The following KCNK9 variants were observed in gnomAD, a reference collection of about 807,000 sequenced individuals.
The protein encoded by KCNK9 is potassium two pore domain channel subfamily K member 9.
KCNK9 carries 1 observed loss-of-function variant against 10.8 expected under a neutral mutation model. That is an observed-to-expected ratio of 0.09 (90% CI 0.03 to 0.44). The LOEUF (loss-of-function observed/expected upper bound fraction) is 0.44. KCNK9 is among the 20% of genes least tolerant of loss of function. The probability of loss-of-function intolerance (pLI) is 0.97; values close to 1 mark genes in which losing one functional copy is unlikely to be tolerated. For missense variants in KCNK9, 303 were observed against 515.0 expected, an observed-to-expected ratio of 0.59 and a Z score of 3.98; for synonymous variants, 231 against 222.7, an observed-to-expected ratio of 1.04 and a Z score of -0.33.
intron 1 of KCNK9, among the ~76,000 whole-genome samples, chr8:139,697,340 T>G (rs1817085820): frequency 7.6e-6 from 1 of 132,050 alleles, no homozygotes; most frequent in African/African-American, 2.9e-5. Flanking sequence ...AATGGGTGAG[T>G]GGATGGTTGG....
At chr8:139,620,326 A>T (rs547420772) in intron 1 of KCNK9, among the ~76,000 whole-genome samples, 1 of 152,314 alleles carries the variant, frequency 6.6e-6, no homozygotes, top group East Asian at 1.9e-4. Flanking sequence ...ACCCTGTCAC[A>T]TGTTCATGGT....
chr8:139,684,296 T>C (rs1397969135), intron 1 of KCNK9, among the ~76,000 whole-genome samples: 2 of 152,358 alleles, frequency 1.3e-5, no homozygotes, highest in East Asian at 3.9e-4. Context: ...CATACATTTC[T>C]GATAGCAGTT....
intron 1 of KCNK9, among the ~76,000 whole-genome samples, chr8:139,673,807 C>A (rs1362615449): frequency 2.6e-5 from 4 of 152,038 alleles, no homozygotes; most frequent in Non-Finnish European, 4.4e-5. Context: ...CCCCTCCCCA[C>A]CCCTGCAGAG....
In KCNK9 at chr8:139,605,042, G is replaced by A. The variant is rs904582854; in HGVS notation, c.*1-3441C>T. ...AAACCTGTCTTCATGAGCCTTCCAG[G>A]TGGAGCTCGGGAGCCCCAATACTTG... On this transcript the variant is annotated intron_variant, in intron 2 of 2. Coordinates refer to the KCNK9 transcript ENST00000650269. Among the ~76,000 whole-genome samples the A allele has an allele frequency of 2.0e-4, 30 of 152,242 alleles. 1 individual carries two copies. Among genetic ancestry groups the A allele is most frequent in the Admixed American group, 1.3e-4 (2 of 15,292 alleles).
At position 139,702,632 on chromosome 8, in the gene KCNK9, AG is replaced by A; in HGVS notation, c.283+77del. 6.8e-7 allele frequency: 1 copy of A among 1,465,456 alleles called. No individual in the cohort carries two copies. The highest frequency in any genetic ancestry group is 1.3e-5 in the South Asian group (1 of 79,564). 90.8% of individuals were successfully genotyped at this position (1,465,456 alleles called of 1,614,324 possible). On this transcript the variant is annotated intron_variant, in intron 1 of 1. Transcript: ENST00000520439. This position sits in a 1 kb window ranked among gnomAD's most constrained non-coding sequence, Gnocchi z 7.5. ...GTTTAACCCTCGACGCCCTGCACCC[AG>A]CCCGGCGCGGCGCGCTCAGCCGCCT...
chr8:139,671,902 C>T lies in KCNK9; in HGVS notation c.283+30808G>A, dbSNP rs145421577. The stretch of plus-strand genomic sequence containing the variant: ...AGTATTTATTCAAGGCTCCCCTGAG[C>T]GTGGCAGGAGCACCACCGGCCCCCA... On this transcript the variant is annotated intron_variant, in intron 1 of 1. Transcript: ENST00000520439. Among the ~76,000 whole-genome samples, 66 of 152,298 alleles carry T rather than the reference C, an allele frequency of 4.3e-4. 1 individual carries two copies. The highest frequency in any genetic ancestry group is 1.5e-3 in the African/African-American group (63 of 41,568).
At chr8:139,654,267 C>T (rs1043783589) in intron 1 of KCNK9, among the ~76,000 whole-genome samples, 5 of 152,228 alleles carry the variant, frequency 3.3e-5, no homozygotes, top group Non-Finnish European at 7.3e-5. Context: ...GCTGCCAGAT[C>T]GCTGGGTGCC....
chr8:139,656,239 G>C (rs1394182059), intron 1 of KCNK9, among the ~76,000 whole-genome samples: 6 of 152,136 alleles, frequency 3.9e-5, no homozygotes, highest in Non-Finnish European at 8.8e-5. Flanking sequence ...GTCTTCAGGA[G>C]TACTAGGAAG....
At chr8:139,664,860 C>T (rs891847811) in intron 1 of KCNK9, among the ~76,000 whole-genome samples, 1 of 152,040 alleles carries the variant, frequency 6.6e-6, no homozygotes, top group African/African-American at 2.4e-5. Context: ...TCCTGGAGCA[C>T]GGGCTGGGTG....
chr8:139,666,865 G>A (rs902887356), intron 1 of KCNK9, among the ~76,000 whole-genome samples: 1 of 152,240 alleles, frequency 6.6e-6, no homozygotes, highest in African/African-American at 2.4e-5. Context: ...TTCAAGGTAA[G>A]ACCCAAGCTG....
chr8:139,634,964 C>T (rs1039488333), intron 1 of KCNK9, among the ~76,000 whole-genome samples: 3 of 152,100 alleles, frequency 2.0e-5, no homozygotes, highest in African/African-American at 4.8e-5. Flanking sequence ...AGCTGTGGTG[C>T]GAGGCGTCTA....
chr8:139,660,873 G>A (rs571423747), intron 1 of KCNK9, among the ~76,000 whole-genome samples: 1 of 152,244 alleles, frequency 6.6e-6, no homozygotes, highest in African/African-American at 2.4e-5. Flanking sequence ...AGAGCTAGCT[G>A]GTAGAGGACC....
intron 1 of KCNK9, among the ~76,000 whole-genome samples, chr8:139,696,013 C>T (rs73360081): frequency 0.012 from 1,861 of 152,274 alleles, 38 homozygotes; most frequent in African/African-American, 0.041. Context: ...AAGCCCCCCA[C>T]GTTCCAGTTT....
rs148824282 is a variant in KCNK9 at position 139,635,047 on chromosome 8, T to C, written c.284-15948A>G. On this transcript the variant is annotated intron_variant, in intron 1 of 1. Transcript: ENST00000520439. ...CTGCTGCATGAGGACCCCTGAAGGG[T>C]AAGGTGAGCAGCCAGCCGGGAGCAG... 2.7e-3 allele frequency among the ~76,000 whole-genome samples: 415 copies of C among 152,168 alleles called. 1 individual carries two copies. The highest frequency in any genetic ancestry group is 4.6e-3 in the Non-Finnish European group (315 of 67,986).
chr8:139,699,655 G>T lies in KCNK9; in HGVS notation c.283+3055C>A, dbSNP rs188805491. ...CTTTGCGGGGCCCAGCTGGACTCCCGTTCTTCCCTGGTTATGACAATGGTC... is the reference window on the plus strand; with the variant it reads ...CTTTGCGGGGCCCAGCTGGACTCCCTTTCTTCCCTGGTTATGACAATGGTC... On this transcript the variant is annotated intron_variant, in intron 1 of 1. Transcript: ENST00000520439. Among the ~76,000 whole-genome samples the T allele has an allele frequency of 2.6e-5, 4 of 152,316 alleles. No homozygotes were observed. In the East Asian group the frequency reaches 5.8e-4, roughly 22 times the overall value.
intron 1 of KCNK9, among the ~76,000 whole-genome samples, chr8:139,626,401 G>A (rs1029834146): frequency 1.3e-4 from 20 of 152,252 alleles, no homozygotes; most frequent in African/African-American, 3.9e-4. Flanking sequence ...CCATTACCCC[G>A]CTTACCTGAG....
intron 1 of KCNK9, among the ~76,000 whole-genome samples, chr8:139,687,389 T>C (rs1488715124): frequency 8.1e-6 from 1 of 123,800 alleles, no homozygotes; most frequent in Non-Finnish European, 1.7e-5. Context: ...TATATGAATA[T>C]ATATGTGTAT....
intron 1 of KCNK9, among the ~76,000 whole-genome samples, chr8:139,667,353 G>A (rs1473103923): frequency 2.0e-5 from 3 of 151,106 alleles, no homozygotes; most frequent in South Asian, 2.1e-4. Context: ...CACTTCTAGG[G>A]ATTTATCCTA....
intron 1 of KCNK9, among the ~76,000 whole-genome samples, chr8:139,641,989 G>A (rs1359310880): frequency 2.0e-5 from 3 of 152,204 alleles, no homozygotes; most frequent in Non-Finnish European, 4.4e-5. Context: ...AGGAAGAGGA[G>A]CCAGCCAGCC....
Sources: gnomAD v4.1 joint callset for allele counts (sites outside exome capture counted in the v4.1 genomes callset) on GRCh38, gnomAD v4.1.1 for gene constraint, Gnocchi (gnomAD v3.1) non-coding constraint, MANE v1.5 for transcripts, NCBI Gene and HGNC (gene_info 2026-07-23, HGNC 2026-07-21) for gene names.